The following JAK2 variants were observed in gnomAD, a reference collection of about 807,000 sequenced individuals.
JAK2 encodes Janus kinase 2.
A neutral mutation model predicts 139.3 loss-of-function variants in JAK2; 86 were observed. That is an observed-to-expected ratio of 0.62 (90% confidence interval 0.52 to 0.74). The LOEUF is 0.74. Among genes scored for constraint, JAK2 ranks in the 30% least tolerant of loss-of-function variants. The pLI is 0.00. For missense variants in JAK2, 1,421 were observed against 1,360.3 expected (o/e 1.04, Z -0.70); for synonymous variants, 490 against 437.7 (o/e 1.12, Z -1.49).
At chr9:5,036,029 A>G (rs1823572040) in intron 4 of JAK2, among the ~76,000 whole-genome samples, 1 of 152,260 alleles carries the variant, frequency 6.6e-6, no homozygotes, top group Non-Finnish European at 1.5e-5. Context: ...CAACTTCAGC[A>G]AAGTCTCAGC....
chr9:5,052,136 T>G (rs1486896065), intron 6 of JAK2, among the ~76,000 whole-genome samples: 1 of 152,076 alleles, frequency 6.6e-6, no homozygotes, highest in African/African-American at 2.4e-5. Flanking sequence ...CCATTGAAGA[T>G]GAATGTTATA....
In JAK2 at chr9:5,069,187, T is replaced by C. The variant is rs1293919327; in HGVS notation, c.1492T>C (p.Cys498Arg). 6.2e-7 allele frequency: 1 copy of C among 1,607,156 alleles called. No individual in the cohort carries two copies. The highest frequency in any genetic ancestry group is 8.5e-7 in the Non-Finnish European group (1 of 1,177,706). ...CAATATAATTTTCCAGTTTACTAAA[T>C]GCTGTCCCCCAAAGCCAAAAGGTAA... is the stretch of plus-strand genomic sequence containing the variant. The part of the protein sequence containing the change: ...SDNIIFQFTK[C>R]CPPKPKDKSN... The change falls in exon 11 of 25, where the codon TGC becomes CGC. Residue 498 changes from cysteine (C) to arginine (R), a missense_variant. By Grantham distance (180) the Cys-to-Arg change is radical. Transcript: ENST00000381652.
intron 22 of JAK2, among the ~76,000 whole-genome samples, chr9:5,113,213 T>C (rs1313227599): frequency 6.8e-6 from 1 of 146,696 alleles, no homozygotes; most frequent in Non-Finnish European, 1.5e-5. Flanking sequence ...TTTTTTTTTT[T>C]TTTTTTCCAG....
At chr9:5,043,016 C>T (rs1014114629) in intron 4 of JAK2, among the ~76,000 whole-genome samples, 1 of 152,194 alleles carries the variant, frequency 6.6e-6, no homozygotes, top group Non-Finnish European at 1.5e-5. Flanking sequence ...TCGCGCGGCT[C>T]GGCCCCTGGG....
At chr9:5,062,163 T>C (rs564166615) in intron 8 of JAK2, among the ~76,000 whole-genome samples, 1 of 152,196 alleles carries the variant, frequency 6.6e-6, no homozygotes, top group East Asian at 1.9e-4. Flanking sequence ...ATGGAAAATA[T>C]AGTATTCACA....
At chr9:5,015,942 A>G (rs1435799900) in intron 2 of JAK2, among the ~76,000 whole-genome samples, 1 of 152,212 alleles carries the variant, frequency 6.6e-6, no homozygotes, top group Non-Finnish European at 1.5e-5. Context: ...CTGTACATAT[A>G]TATAGATTAT....
chr9:5,050,550 C>G (rs1408006669), intron 5 of JAK2, 136 bp from the exon 6 acceptor site: 11 of 807,066 alleles, frequency 1.4e-5, no homozygotes, highest in Non-Finnish European at 2.1e-5. Flanking sequence ...GGATTACAGG[C>G]ATGAGCCACT....
intron 22 of JAK2, among the ~76,000 whole-genome samples, chr9:5,121,530 C>G (rs1193915647): frequency 2.0e-5 from 3 of 152,106 alleles, no homozygotes; most frequent in Non-Finnish European, 4.4e-5. Flanking sequence ...GGCTTCTACT[C>G]CCACAGAAAC....
intron 22 of JAK2, chr9:5,111,921 T>A: frequency 5.7e-6 from 2 of 349,224 alleles, no homozygotes; most frequent in Admixed American, 7.2e-5. Context: ...GGCCTCAATC[T>A]ACTCTCCGGA....
chr9:5,073,301 C>G (rs1819094383), intron 13 of JAK2, among the ~76,000 whole-genome samples: 1 of 152,200 alleles, frequency 6.6e-6, no homozygotes, highest in African/African-American at 2.4e-5. Context: ...GATATTTTAT[C>G]TGCACATTCT....
chr9:5,081,965 G>T, intron 19 of JAK2, 104 bp downstream of exon 19: 1 of 954,752 alleles, frequency 1.0e-6, no homozygotes, highest in South Asian at 1.6e-5. Context: ...AGGAGTGCTT[G>T]TAGAAAAAAA....
chr9:5,106,891 G>T (rs141968584), intron 22 of JAK2, among the ~76,000 whole-genome samples: 81 of 152,232 alleles, frequency 5.3e-4, no homozygotes, highest in African/African-American at 1.8e-3. Context: ...ACACAAAGGG[G>T]CCCGGGGGAG....
intron 22 of JAK2, chr9:5,109,082 A>C (rs1586811833): frequency 1.3e-5 from 2 of 152,082 alleles, no homozygotes; most frequent in Admixed American, 6.5e-5. Flanking sequence ...CATTCTCCTG[A>C]TCAAACATCA....
At chr9:5,027,548 A>G (rs1005464145) in intron 3 of JAK2, among the ~76,000 whole-genome samples, 2 of 152,102 alleles carry the variant, frequency 1.3e-5, no homozygotes, top group Admixed American at 6.6e-5. Flanking sequence ...AAATAAGACA[A>G]TGAAGGTTGC....
chr9:5,052,572 G>A (rs1040382044), intron 6 of JAK2, among the ~76,000 whole-genome samples: 1 of 151,972 alleles, frequency 6.6e-6, no homozygotes, highest in Non-Finnish European at 1.5e-5. Context: ...GTTGTATAAA[G>A]ATGACCAGAA....
chr9:5,035,918 T>C (rs1370954484), intron 4 of JAK2, among the ~76,000 whole-genome samples: 1 of 152,152 alleles, frequency 6.6e-6, no homozygotes, highest in Non-Finnish European at 1.5e-5. Flanking sequence ...GGTTATTTGA[T>C]TAGGAAAAGA....
intron 8 of JAK2, among the ~76,000 whole-genome samples, chr9:5,059,551 T>C (rs1306747390): frequency 1.3e-5 from 2 of 152,200 alleles, no homozygotes; most frequent in South Asian, 2.1e-4. Context: ...GGTGGACTTA[T>C]GCACTCTTTT....
chr9:4,999,338 T>G (rs1820795001), intron 2 of JAK2, among the ~76,000 whole-genome samples: 1 of 152,216 alleles, frequency 6.6e-6, no homozygotes, highest in South Asian at 2.1e-4. Flanking sequence ...TTGCATGTAT[T>G]TTATATACTG....
intron 22 of JAK2, among the ~76,000 whole-genome samples, chr9:5,117,302 T>G (rs1823269018): frequency 6.6e-6 from 1 of 152,210 alleles, no homozygotes; most frequent in African/African-American, 2.4e-5. Flanking sequence ...TCAGACCTTC[T>G]TTAGTAGACA....
Sources: allele counts gnomAD v4.1 joint callset (sites outside exome capture counted in the v4.1 genomes callset), GRCh38; gene constraint gnomAD v4.1.1; transcripts MANE v1.5; gene names NCBI Gene and HGNC (gene_info 2026-07-23, HGNC 2026-07-21).